The following UNC80 variants were observed in gnomAD, a reference collection of about 807,000 sequenced individuals.
UNC80 encodes the protein protein unc-80 homolog.
UNC80 carries 164 observed loss-of-function variants against 384.6 expected under a neutral mutation model. The observed-to-expected ratio is 0.43, with a 90% CI of 0.38 to 0.49. The LOEUF (loss-of-function observed/expected upper bound fraction) is 0.49, where lower values mean the gene tolerates loss of function less well. Among genes scored for constraint, UNC80 ranks in the 20% least tolerant of loss-of-function variants. The pLI is 0.00. For synonymous variants in UNC80, 1,486 were observed against 1,527.8 expected (o/e 0.97, Z 0.64); for missense variants, 3,330 against 4,143.0 (o/e 0.80, Z 5.39).
intron 14 of UNC80, among the ~76,000 whole-genome samples, chr2:209,827,924 A>T (rs2080662465): frequency 6.6e-6 from 1 of 152,186 alleles, no homozygotes; most frequent in Non-Finnish European, 1.5e-5. Flanking sequence ...GTCTCCAATT[A>T]TTGAAAAGGA....
intron 4 of UNC80, among the ~76,000 whole-genome samples, chr2:209,779,781 A>C (rs2077056458): frequency 6.6e-6 from 1 of 152,238 alleles, no homozygotes; most frequent in Non-Finnish European, 1.5e-5. Context: ...GTCTTCTTTA[A>C]AAGTAGCCCA....
At chr2:209,938,676 GTCTCTCTC>G (rs10555565) in intron 42 of UNC80, among the ~76,000 whole-genome samples, 3,303 of 137,436 alleles carry the variant, frequency 0.024, 83 homozygotes, top group African/African-American at 0.068. Context: ...CCTAGTCTCT[GTCTCTCTC>G]TCTCTCTCTC....
At chr2:209,968,343 A>G (rs2092793831) in intron 52 of UNC80, 1 of 152,170 alleles carries the variant, frequency 6.6e-6, no homozygotes, top group African/African-American at 2.4e-5. Context: ...CGGAAATTTC[A>G]AGTTTAGGTT....
At chr2:209,971,589 T>C (rs1304108157) in intron 54 of UNC80, among the ~76,000 whole-genome samples, 1 of 147,784 alleles carries the variant, frequency 6.8e-6, no homozygotes, top group African/African-American at 2.4e-5. Flanking sequence ...CTGATGTAAA[T>C]GGATAACTGA....
At position 209,877,317 on chromosome 2, in the gene UNC80, A is replaced by C. The variant is rs550529296; in HGVS notation, c.3841-637A>C. Among the ~76,000 whole-genome samples, 309 of 152,274 alleles carry C rather than the reference A, an allele frequency of 2.0e-3. 2 individuals are homozygous for C. The highest frequency in any genetic ancestry group is 3.3e-3 in the Non-Finnish European group (225 of 68,024). ...TTAGTTCTAAGAATACCGTGTAAAA[A>C]CCAATATTATCCACGTGCTGAGTTA... On this transcript the variant is annotated intron_variant, in intron 23 of 64. Coordinates refer to ENST00000673920, the MANE Select transcript of UNC80 (RefSeq NM_001371986.1).
chr2:209,963,851 A>C (rs148442793), intron 51 of UNC80, among the ~76,000 whole-genome samples: 1 of 152,328 alleles, frequency 6.6e-6, no homozygotes, highest in Non-Finnish European at 1.5e-5. Context: ...GATTGGATTT[A>C]TGCTTTCAGA....
At position 209,772,041 on chromosome 2, in the gene UNC80, G is replaced by C; in HGVS notation, c.-32G>C. On this transcript the variant is annotated 5_prime_UTR_variant, in exon 1 of 65. Transcript: ENST00000673920. Reference sequence around the variant, plus strand: ...GCGGCTAGCGAGGAGACAGAGCTGGGTCCTGCAGTAGGACTCCCGGGAGCC... The same window carrying C: ...GCGGCTAGCGAGGAGACAGAGCTGGCTCCTGCAGTAGGACTCCCGGGAGCC... 1 of 1,499,260 alleles carries C rather than the reference G, an allele frequency of 6.7e-7. No homozygotes were observed. Among genetic ancestry groups the C allele is most frequent in the South Asian group, 1.2e-5 (1 of 83,078 alleles). The allele number at this position is 1,499,260 out of a possible 1,614,324, so 92.9% of individuals were successfully genotyped here.
rs573487177 is a variant in UNC80, at chr2:209,957,787, G to A, written c.7550+51G>A. On this transcript the variant is annotated intron_variant, in intron 49 of 64. Coordinates refer to ENST00000673920, the MANE Select transcript of UNC80 (RefSeq NM_001371986.1). ...ATGGTCTCTCAATTTCATACAACCC[G>A]AATGTCAGCTGTTGAGAATGAAAGG... 27 of 1,510,296 alleles carry A rather than the reference G, an allele frequency of 1.8e-5. No homozygotes were observed. The African/African-American group carries it at 2.5e-4, about 14-fold the overall frequency. 93.6% of individuals were successfully genotyped at this position (1,510,296 alleles called of 1,614,324 possible).
chr2:209,860,506 G>A (rs1461468497), intron 22 of UNC80, among the ~76,000 whole-genome samples: 1 of 152,110 alleles, frequency 6.6e-6, no homozygotes, highest in Non-Finnish European at 1.5e-5. Flanking sequence ...TGTTCTTTTT[G>A]CTTAGGATTG....
chr2:209,957,749 G>T lies in UNC80; in HGVS notation c.7550+13G>T, dbSNP rs762235117. The T allele has an allele frequency of 6.4e-7, 1 of 1,550,642 alleles. No individual in the cohort carries two copies. The highest frequency in any genetic ancestry group is 8.7e-7 in the Non-Finnish European group (1 of 1,146,238). ...GGGTGAACACCAGGTAATTCACTGC[G>T]CCTTATTCTTCTATGGTCTCTCAAT... On this transcript the variant is annotated intron_variant, in intron 49 of 64. Coordinates refer to ENST00000673920, the MANE Select transcript of UNC80 (RefSeq NM_001371986.1).
intron 25 of UNC80, among the ~76,000 whole-genome samples, chr2:209,881,869 G>A (rs2085320744): frequency 6.6e-6 from 1 of 152,062 alleles, no homozygotes; most frequent in African/African-American, 2.4e-5. Flanking sequence ...CTGGAGCTGA[G>A]GAACCAGACT....
intron 58 of UNC80, 90 bp from the exon 59 acceptor site, chr2:209,978,439 T>C: frequency 1.7e-6 from 2 of 1,161,658 alleles, no homozygotes; most frequent in Non-Finnish European, 2.3e-6. Context: ...AACTAACCTT[T>C]CCTAAAAAAT....
chr2:209,821,900 T>C (rs770924694), intron 13 of UNC80, among the ~76,000 whole-genome samples: 16 of 152,326 alleles, frequency 1.1e-4, no homozygotes, highest in Middle Eastern at 3.4e-3. Context: ...TGTAGAGTTC[T>C]AGATATATAC....
chr2:209,789,408 A>T (rs1252504331), intron 5 of UNC80, 124 bp from the exon 6 acceptor site: 1 of 671,948 alleles, frequency 1.5e-6, no homozygotes, highest in Non-Finnish European at 2.5e-6. Flanking sequence ...ATATGCGTTA[A>T]TGTCTTCTTT....
intron 60 of UNC80, among the ~76,000 whole-genome samples, chr2:209,984,372 C>T (rs1233933682): frequency 6.6e-6 from 1 of 152,130 alleles, no homozygotes; most frequent in East Asian, 1.9e-4. Flanking sequence ...GCATCAGTTC[C>T]AAGAGCTTGG....
rs541989475 is a variant in UNC80 at position 209,963,595 on chromosome 2, A to C, written c.7806-3842A>C. Among the ~76,000 whole-genome samples, 463 of 152,370 alleles carry C rather than the reference A, an allele frequency of 3.0e-3. 3 individuals carry two copies. The highest frequency in any genetic ancestry group is 0.011 in the African/African-American group (437 of 41,582). ...ATAATAAGAGAAAAGAAATAAGTGC[A>C]TATAGATATACTCTTATTTGTCACA... On this transcript the variant is annotated intron_variant, in intron 51 of 64. Coordinates refer to ENST00000673920, the MANE Select transcript of UNC80 (RefSeq NM_001371986.1).
At chr2:209,905,040 G>A (rs1270562711) in intron 29 of UNC80, 75 bp downstream of exon 29, 2 of 1,467,766 alleles carry the variant, frequency 1.4e-6, no homozygotes, top group Non-Finnish European at 1.9e-6. Context: ...CTGGAAATAA[G>A]AATTTTCAAG....
At chr2:209,780,986 C>G (rs570648504) in intron 4 of UNC80, among the ~76,000 whole-genome samples, 2 of 152,312 alleles carry the variant, frequency 1.3e-5, no homozygotes, top group East Asian at 3.9e-4. Context: ...ACGCTGTAGT[C>G]TCTAAACCCA....
intron 21 of UNC80, among the ~76,000 whole-genome samples, chr2:209,846,392 T>C (rs1422878760): frequency 6.6e-6 from 1 of 152,102 alleles, no homozygotes; most frequent in East Asian, 1.9e-4. Context: ...GGAAGGTGTT[T>C]GATCAATTAA....
Sources: gnomAD v4.1 joint callset for allele counts (sites outside exome capture counted in the v4.1 genomes callset) on GRCh38, gnomAD v4.1.1 for gene constraint, MANE v1.5 for transcripts, NCBI Gene and HGNC (gene_info 2026-07-23, HGNC 2026-07-21) for gene names.